The following OXSR1 variants were observed in gnomAD, a reference collection of about 807,000 sequenced individuals.
OXSR1 encodes serine/threonine-protein kinase OSR1.
In OXSR1, 24 loss-of-function variants were observed where a neutral mutation model predicts 79.8. That is an observed-to-expected ratio of 0.30 (90% CI 0.22 to 0.42). The LOEUF is 0.42. Among genes scored for constraint, OXSR1 ranks in the 10% least tolerant of loss-of-function variants. The pLI, the probability that OXSR1 is intolerant of heterozygous loss-of-function variation, is 1.00. For synonymous variants in OXSR1, 226 were observed against 209.2 expected (o/e 1.08, Z -0.69); for missense variants, 430 against 618.4 (o/e 0.70, Z 3.23).
chr3:38,217,687 C>T (rs868810201), intron 5 of OXSR1, among the ~76,000 whole-genome samples: 16 of 152,056 alleles, frequency 1.1e-4, no homozygotes, highest in African/African-American at 3.4e-4. Context: ...ACCCCTCCAC[C>T]GACTAATTTT....
At chr3:38,209,461 C>T (rs1359137172) in intron 4 of OXSR1, among the ~76,000 whole-genome samples, 1 of 151,776 alleles carries the variant, frequency 6.6e-6, no homozygotes, top group East Asian at 1.9e-4. Context: ...CCAGGTAATT[C>T]TAATGTTGCC....
chr3:38,178,304 T>C (rs906962295), intron 1 of OXSR1, among the ~76,000 whole-genome samples: 4 of 152,278 alleles, frequency 2.6e-5, no homozygotes, highest in African/African-American at 9.6e-5. Flanking sequence ...TTTATTCATG[T>C]TGGTGTTGTA....
At chr3:38,236,786 T>G in intron 10 of OXSR1, 53 bp from the exon 11 acceptor site, 1 of 1,498,158 alleles carries the variant, frequency 6.7e-7, no homozygotes, top group Non-Finnish European at 9.0e-7. Flanking sequence ...TGGAGTTTTC[T>G]ACTTAGTAAG....
rs1462792210 is a variant in OXSR1 at position 38,223,338 on chromosome 3, C to G, written c.601-474C>G. The stretch of plus-strand genomic sequence containing the variant: ...ATGGGGTCTCACCATGTTGCCCAGG[C>G]TGGTCTTGAACTCTTGGCCTCAAGC... On this transcript the variant is annotated intron_variant, in intron 6 of 17. Transcript: ENST00000311806. 3.3e-5 allele frequency among the ~76,000 whole-genome samples: 5 copies of G among 152,044 alleles called. No individual in the cohort carries two copies. In the South Asian group the frequency reaches 1.0e-3, roughly 32 times the overall value.
intron 1 of OXSR1, 96 bp downstream of exon 1, chr3:38,166,042 CAT>C: frequency 8.1e-6 from 9 of 1,117,726 alleles, no homozygotes; most frequent in Non-Finnish European, 1.2e-5. Flanking sequence ...GCGCAGCCCT[CAT>C]AGGAATTCGT....
At chr3:38,228,132 CTG>C in intron 8 of OXSR1, among the ~76,000 whole-genome samples, 1 of 152,286 alleles carries the variant, frequency 6.6e-6, no homozygotes, top group Admixed American at 6.5e-5. Context: ...AGGCTCATGA[CTG>C]TGACTTTAAC....
At chr3:38,199,763 T>C (rs1702129681) in intron 4 of OXSR1, among the ~76,000 whole-genome samples, 1 of 152,180 alleles carries the variant, frequency 6.6e-6, no homozygotes, top group South Asian at 2.1e-4. Flanking sequence ...TCATGCCATC[T>C]ATGGGAGTGG....
intron 4 of OXSR1, among the ~76,000 whole-genome samples, chr3:38,215,502 G>A (rs903306906): frequency 1.3e-5 from 2 of 152,150 alleles, no homozygotes; most frequent in Non-Finnish European, 2.9e-5. Context: ...TGGGAGAAAA[G>A]CCCAGATATG....
intron 12 of OXSR1, 91 bp downstream of exon 12, chr3:38,242,869 G>A: frequency 2.8e-6 from 2 of 717,282 alleles, no homozygotes; most frequent in African/African-American, 1.8e-5. Context: ...GCATATGTAT[G>A]CTTAAATGGG....
At chr3:38,239,317 C>A (rs1159002989) in intron 11 of OXSR1, among the ~76,000 whole-genome samples, 2 of 152,108 alleles carry the variant, frequency 1.3e-5, no homozygotes, top group African/African-American at 4.8e-5. Context: ...AGATGCCAAA[C>A]ATTGTAATTT....
chr3:38,178,427 G>A (rs928439831), intron 1 of OXSR1, among the ~76,000 whole-genome samples: 2 of 151,864 alleles, frequency 1.3e-5, no homozygotes, highest in African/African-American at 4.8e-5. Flanking sequence ...AGTTATATGT[G>A]TAAATCATAT....
chr3:38,187,975 A>C (rs1701914217), intron 2 of OXSR1, among the ~76,000 whole-genome samples: 1 of 152,138 alleles, frequency 6.6e-6, no homozygotes, highest in South Asian at 2.1e-4. Context: ...TCATTTATAT[A>C]TTTATTTTTC....
At chr3:38,240,734 C>T (rs976500209) in intron 11 of OXSR1, among the ~76,000 whole-genome samples, 14 of 151,242 alleles carry the variant, frequency 9.3e-5, no homozygotes, top group Middle Eastern at 3.5e-3. Context: ...AGGACACAAG[C>T]GCCAGCTCGA....
intron 10 of OXSR1, 76 bp downstream of exon 10, chr3:38,230,506 A>G (rs1288110252): frequency 3.2e-6 from 3 of 924,376 alleles, no homozygotes; most frequent in Non-Finnish European, 3.6e-6. Flanking sequence ...TAAGTAATAC[A>G]TTGTTAATAG....
At chr3:38,204,421 C>T (rs1245112740) in intron 4 of OXSR1, among the ~76,000 whole-genome samples, 2 of 152,014 alleles carry the variant, frequency 1.3e-5, no homozygotes, top group African/African-American at 4.8e-5. Flanking sequence ...CTGTAGCCAC[C>T]ATAGCTTGGA....
Position 38,176,040 on chromosome 3 carries a change from AT to A in OXSR1, c.71-6953del, listed in dbSNP as rs926424681. On this transcript the variant is annotated intron_variant, in intron 1 of 17. Transcript: ENST00000311806. ...AACCATTCCTTTTGTTCTTTAAAAA[AT>A]TTTTTTTTTCTAAAACATCCTATTA... Among the ~76,000 whole-genome samples, 466 of 151,218 alleles carry A rather than the reference AT, an allele frequency of 3.1e-3. 3 individuals carry two copies. The highest frequency in any genetic ancestry group is 0.011 in the African/African-American group (437 of 41,238).
intron 5 of OXSR1, among the ~76,000 whole-genome samples, chr3:38,217,319 A>T (rs1208266929): frequency 6.6e-6 from 1 of 152,210 alleles, no homozygotes; most frequent in Non-Finnish European, 1.5e-5. Context: ...TGATGATGGG[A>T]ATATAAATTG....
intron 9 of OXSR1, among the ~76,000 whole-genome samples, chr3:38,230,024 A>G (rs972989314): frequency 3.9e-5 from 6 of 152,208 alleles, no homozygotes; most frequent in African/African-American, 1.4e-4. Context: ...TTTAAGGTTT[A>G]CTACTGAATT....
At chr3:38,216,230 G>T in intron 5 of OXSR1, 79 bp downstream of exon 5, 1 of 915,424 alleles carries the variant, frequency 1.1e-6, no homozygotes, top group South Asian at 1.5e-5. Context: ...TCCTTAATCA[G>T]CATTCTCTCC....
Sources: gnomAD v4.1 joint callset for allele counts (sites outside exome capture counted in the v4.1 genomes callset) on GRCh38, gnomAD v4.1.1 for gene constraint, MANE v1.5 for transcripts, NCBI Gene and HGNC (gene_info 2026-07-23, HGNC 2026-07-21) for gene names.